Variants in SLC1A7 observed in about 807,000 individuals in gnomAD.
SLC1A7 encodes the protein solute carrier family 1 member 7.
In SLC1A7, 40 loss-of-function variants were observed where a neutral mutation model predicts 47.7. The ratio of observed to expected loss-of-function variants is 0.84; its 90% CI spans 0.65 to 1.09. The LOEUF (loss-of-function observed/expected upper bound fraction) is 1.09. Ranked by LOEUF, SLC1A7 falls within the 50% of genes least tolerant of loss-of-function variation. SLC1A7 has a pLI of 0.00. For missense variants in SLC1A7, 746 were observed against 769.5 expected (o/e 0.97, Z 0.36); for synonymous variants, 323 against 325.6 (o/e 0.99, Z 0.09).
At chr1:53,132,323 G>C (rs1644949484) in intron 2 of SLC1A7, among the ~76,000 whole-genome samples, 1 of 152,110 alleles carries the variant, frequency 6.6e-6, no homozygotes. Context: ...GTGGAGTCTG[G>C]ACGTGAGAAG....
At chr1:53,100,320 T>C (rs1289601619) in intron 5 of SLC1A7, among the ~76,000 whole-genome samples, 83 of 94,220 alleles carry the variant, frequency 8.8e-4, no homozygotes, top group African/African-American at 1.2e-3. Flanking sequence ...TCAGTACACA[T>C]ACACACCCCG....
chr1:53,101,303 GCACACCCCACCTCGGTACACTCA>G (rs1557673507), intron 5 of SLC1A7, among the ~76,000 whole-genome samples: 12 of 26,274 alleles, frequency 4.6e-4, no homozygotes, highest in Non-Finnish European at 9.0e-4. Context: ...CGGTACACTC[GCACACCCCACCTCGGTACACTCA>G]CACACCCCTC....
At chr1:53,092,856 C>A (rs1644440829) in intron 6 of SLC1A7, 69 bp from the exon 7 acceptor site, 3 of 1,019,146 alleles carry the variant, frequency 2.9e-6, no homozygotes, top group Non-Finnish European at 3.1e-6. Flanking sequence ...AGCCCCGCAT[C>A]GCTGCGCGGC....
chr1:53,112,227 G>A (rs939911503), intron 3 of SLC1A7, among the ~76,000 whole-genome samples: 5 of 152,182 alleles, frequency 3.3e-5, no homozygotes, highest in African/African-American at 4.8e-5. Context: ...AAATGCCTGG[G>A]CTAGCTCTCT....
chr1:53,138,612 C>T (rs1273624235), intron 1 of SLC1A7, among the ~76,000 whole-genome samples: 1 of 150,990 alleles, frequency 6.6e-6, no homozygotes, highest in African/African-American at 2.4e-5. Flanking sequence ...AGGCAATCCA[C>T]CCGCCTTGGC....
At chr1:53,102,591 A>C (rs531828654) in intron 5 of SLC1A7, 1 of 152,546 alleles carries the variant, frequency 6.6e-6, no homozygotes, top group South Asian at 2.1e-4. Context: ...TTCAGCCGGC[A>C]CTAGGGGTTC....
chr1:53,136,159 A>C lies in SLC1A7; in HGVS notation c.136-1730T>G, dbSNP rs1039075227. ...CATGACTCTCTCTCTCTCTATATATATATATATAAAATAATATATATAATT... is the reference window on the plus strand; with the variant it reads ...CATGACTCTCTCTCTCTCTATATATCTATATATAAAATAATATATATAATT... On this transcript the variant is annotated intron_variant, in intron 1 of 10. Transcript: ENST00000371494. Among the ~76,000 whole-genome samples the C allele has an allele frequency of 1.4e-4, 20 of 147,136 alleles. No individual in the cohort carries two copies. In the East Asian group the frequency reaches 1.8e-3, roughly 13 times the overall value.
intron 2 of SLC1A7, chr1:53,115,200 G>A (rs1644745277): frequency 1.7e-6 from 1 of 585,456 alleles, no homozygotes; most frequent in Non-Finnish European, 3.1e-6. Context: ...TGAGACCTCT[G>A]CACTGCTAGG....
intron 8 of SLC1A7, 35 bp downstream of exon 8, chr1:53,090,577 C>T (rs1323611101): frequency 5.2e-6 from 8 of 1,532,206 alleles, no homozygotes; most frequent in East Asian, 2.3e-5. Flanking sequence ...CCCCAGCCCC[C>T]GCCCCATCCA....
chr1:53,132,308 T>A (rs936671943), intron 2 of SLC1A7, among the ~76,000 whole-genome samples: 6 of 151,524 alleles, frequency 4.0e-5, no homozygotes, highest in African/African-American at 1.5e-4. Context: ...ACCAGTGAGG[T>A]GGCGGTGGAG....
chr1:53,128,645 T>G (rs568658305), intron 2 of SLC1A7, among the ~76,000 whole-genome samples: 1 of 142,100 alleles, frequency 7.0e-6, no homozygotes, highest in Admixed American at 7.1e-5. Context: ...ACGACTCAGG[T>G]GAAGCAGGGC....
intron 10 of SLC1A7, 74 bp downstream of exon 10, chr1:53,088,803 G>C: frequency 8.6e-7 from 1 of 1,160,858 alleles, no homozygotes; most frequent in East Asian, 2.5e-5. Flanking sequence ...GAGCTGGTTG[G>C]TGGAAGATCT....
chr1:53,097,315 A>ACC, intron 5 of SLC1A7, among the ~76,000 whole-genome samples: 2 of 147,454 alleles, frequency 1.4e-5, no homozygotes, highest in African/African-American at 5.1e-5. Context: ...ACCCTCACAC[A>ACC]CTGCCTTGGT....
intron 5 of SLC1A7, among the ~76,000 whole-genome samples, chr1:53,096,054 C>T (rs1187266552): frequency 6.7e-6 from 1 of 149,390 alleles, no homozygotes; most frequent in Non-Finnish European, 1.5e-5. Context: ...TCGGTACACT[C>T]AACTGCCTCA....
intron 1 of SLC1A7, among the ~76,000 whole-genome samples, chr1:53,138,058 C>T (rs1159710218): frequency 6.6e-6 from 1 of 152,142 alleles, no homozygotes; most frequent in Non-Finnish European, 1.5e-5. Context: ...CTACCTTTAC[C>T]TCTGATATTA....
chr1:53,136,577 A>AATATATAAACAT (rs1644998369), intron 1 of SLC1A7, among the ~76,000 whole-genome samples: 3 of 137,320 alleles, frequency 2.2e-5, no homozygotes, highest in African/African-American at 8.5e-5. Flanking sequence ...AAACATATAT[A>AATATATAAACAT]ATATATAAAC....
rs146762551 is a variant in SLC1A7 at position 53,088,909 on chromosome 1, G to C, written c.1432C>G (p.Arg478Gly). ...CCTGTGTCCCGGGCAAAATCCTTCC[G>C]ACATATATGGGCCATGATCCCCGCT... is the stretch of plus-strand genomic sequence containing the variant. Reference protein sequence around the residue: ...LAAGIMAHICRKDFARDTGTE... With the variant: ...LAAGIMAHICGKDFARDTGTE... Residue 478 changes from arginine (R) to glycine (G), a missense_variant, in exon 10 of 11, where the codon CGG becomes GGG. Coordinates refer to ENST00000371494, the MANE Select transcript of SLC1A7 (RefSeq NM_006671.6). 3.0e-5 allele frequency: 49 copies of C among 1,613,870 alleles called. No homozygotes were observed. The African/African-American group carries it at 5.9e-4, about 19-fold the overall frequency.
Position 53,090,717 on chromosome 1 carries a change from G to A in SLC1A7, c.1121C>T (p.Ala374Val). ...RIARFVLPVG[A>V]TINMDGTALY... ...CGCAGTGCCGTCCATGTTGATGGTG[G>A]CACCCACGGGCAGCACGAAGCGAGC... Residue 374 changes from alanine (A) to valine (V), a missense_variant, in exon 8 of 11, where the codon GCC becomes GTC. Coordinates refer to ENST00000371494, the MANE Select transcript of SLC1A7 (RefSeq NM_006671.6). The A allele has an allele frequency of 6.2e-7, 1 of 1,614,058 alleles. No individual in the cohort carries two copies. The highest frequency in any genetic ancestry group is 8.5e-7 in the Non-Finnish European group (1 of 1,179,994).
At chr1:53,123,501 TGAG>T (rs1244393562) in intron 2 of SLC1A7, among the ~76,000 whole-genome samples, 2 of 152,198 alleles carry the variant, frequency 1.3e-5, no homozygotes, top group Admixed American at 1.3e-4. Context: ...CAGAAGGGAA[TGAG>T]GTGGGTCTGT....
Sources: gnomAD v4.1 joint callset for allele counts (sites outside exome capture counted in the v4.1 genomes callset) on GRCh38, gnomAD v4.1.1 for gene constraint, MANE v1.5 for transcripts, NCBI Gene and HGNC (gene_info 2026-07-23, HGNC 2026-07-21) for gene names.